Variants in ZNF189 observed in about 807,000 individuals in gnomAD.
ZNF189 encodes zinc finger protein 189.
ZNF189 carries 33 observed loss-of-function variants against 53.5 expected under a neutral mutation model. The ratio of observed to expected loss-of-function variants is 0.62; its 90% CI spans 0.47 to 0.82. The LOEUF is 0.82. Among genes scored for constraint, ZNF189 ranks in the 40% least tolerant of loss-of-function variants. The pLI, the probability that ZNF189 is intolerant of heterozygous loss-of-function variation, is 0.00. For missense variants in ZNF189, 711 were observed against 753.9 expected, an observed-to-expected ratio of 0.94 and a Z score of 0.67; for synonymous variants, 247 against 238.8, an observed-to-expected ratio of 1.03 and a Z score of -0.32.
chr9:101,399,508 T>A, intron 1 of ZNF189: 2 of 1,285,358 alleles, frequency 1.6e-6, no homozygotes, highest in Non-Finnish European at 2.0e-6. Context: ...CTTCTGTTCC[T>A]GGCACAGTGC....
chr9:101,409,411 C>G lies in ZNF189; in HGVS notation c.1643C>G (p.Ala548Gly), dbSNP rs1830852588. 2 of 1,614,120 alleles carry G rather than the reference C, an allele frequency of 1.2e-6. No homozygotes were observed. Among genetic ancestry groups the G allele is most frequent in the Non-Finnish European group, 1.7e-6 (2 of 1,180,014 alleles). ...CATAAATGTGATGAATGTGGAAAGG[C>G]CTTTAGCCGGAACTCGGGTCTTATT... ...KPHKCDECGK[A>G]FSRNSGLIQH... Residue 548 changes from alanine (A) to glycine (G), a missense_variant, in exon 3 of 3, where the codon GCC becomes GGC. Transcript: ENST00000339664.
At chr9:101,401,016 T>C (rs1830511955) in intron 2 of ZNF189, among the ~76,000 whole-genome samples, 1 of 152,226 alleles carries the variant, frequency 6.6e-6, no homozygotes, top group Non-Finnish European at 1.5e-5. Flanking sequence ...TATCCCCATC[T>C]AATCACCAGC....
chr9:101,409,443 C>A lies in ZNF189; in HGVS notation c.1675C>A (p.Gln559Lys). 1 of 1,614,162 alleles carries A rather than the reference C, an allele frequency of 6.2e-7. No individual in the cohort carries two copies. ...FSRNSGLIQH[Q>K]RIHTGEKPYK... Reference sequence around the variant, plus strand: ...CCGGAACTCGGGTCTTATTCAGCATCAGAGAATACACACAGGAGAGAAACC... The same window carrying A: ...CCGGAACTCGGGTCTTATTCAGCATAAGAGAATACACACAGGAGAGAAACC... Residue 559 changes from glutamine (Q) to lysine (K), a missense_variant, in exon 3 of 3, where the codon CAG (glutamine) becomes AAG (lysine). By Grantham distance (53) the Gln-to-Lys change is moderately conservative. Transcript: ENST00000339664.
At chr9:101,399,399 A>C in intron 1 of ZNF189, 1 of 1,372,326 alleles carries the variant, frequency 7.3e-7, no homozygotes, top group Non-Finnish European at 9.4e-7. Context: ...TTCTAGAGAG[A>C]CTTGATAAAT....
At chr9:101,407,777 A>T in intron 2 of ZNF189, 152 bp from the exon 3 acceptor site, 1 of 708,878 alleles carries the variant, frequency 1.4e-6, no homozygotes, top group Non-Finnish European at 2.2e-6. Context: ...TCTTGAACTT[A>T]GTGGAGTTTT....
rs778716494 is a variant in ZNF189, at chr9:101,409,682, G to C, written c.*33G>C. On this transcript the variant is annotated 3_prime_UTR_variant, in exon 3 of 3. Coordinates refer to ENST00000339664, the MANE Select transcript of ZNF189 (RefSeq NM_003452.4). ...GCAATACATAAGCTCAATTTGATTT[G>C]AGACTAGTACCCAAGTGCAGTTTTA... 2.6e-6 allele frequency: 4 copies of C among 1,556,272 alleles called. No individual in the cohort carries two copies. Among genetic ancestry groups the C allele is most frequent in the Non-Finnish European group, 3.5e-6 (4 of 1,155,994 alleles).
chr9:101,399,868 AATC>A lies in ZNF189; in HGVS notation c.34-13_34-11del. ...TGAGACAACAGGAACTGACTACAGA[AATC>A]ATACTATTTCAGGGGTTGCTGACAT... is the stretch of plus-strand genomic sequence containing the variant. On this transcript the variant is annotated splice_polypyrimidine_tract_variant and intron_variant, in intron 1 of 2. Coordinates refer to ENST00000339664, the MANE Select transcript of ZNF189 (RefSeq NM_003452.4). 1 of 1,613,998 alleles carries A rather than the reference AATC, an allele frequency of 6.2e-7. No homozygotes were observed. The highest frequency in any genetic ancestry group is 8.5e-7 in the Non-Finnish European group (1 of 1,179,942).
At position 101,408,362 on chromosome 9, in the gene ZNF189, C is replaced by T. The variant is rs867484794; in HGVS notation, c.594C>T (p.His198=). 6 of 1,614,026 alleles carry T rather than the reference C, an allele frequency of 3.7e-6. No individual in the cohort carries two copies. Among genetic ancestry groups the T allele is most frequent in the Non-Finnish European group, 5.1e-6 (6 of 1,180,018 alleles). The change falls in exon 3 of 3, where the codon CAC becomes CAT. Residue 198 remains histidine, a synonymous_variant. Coordinates refer to ENST00000339664, the MANE Select transcript of ZNF189 (RefSeq NM_003452.4). Reference sequence around the variant, plus strand: ...TTGTTATTGAACATCAGAGAATTCACACTGGGGAAAGGCCCTATGAGTGTA... The same window carrying T: ...TTGTTATTGAACATCAGAGAATTCATACTGGGGAAAGGCCCTATGAGTGTA... The part of the protein sequence containing the change: ...SSFVIEHQRI[H]TGERPYECNY...
chr9:101,408,896 G>A lies in ZNF189; in HGVS notation c.1128G>A (p.Glu376=). ...GTGAAAGACCTTATCAGTGCAAAGA[G>A]TGTGGGAAAAGTTTCAGTCAGCTTT... is the stretch of plus-strand genomic sequence containing the variant. The part of the protein sequence containing the change: ...HTGERPYQCK[E]CGKSFSQLCN... Residue 376 remains glutamate, a synonymous_variant, in exon 3 of 3, where the codon GAG becomes GAA. Coordinates refer to ENST00000339664, the MANE Select transcript of ZNF189 (RefSeq NM_003452.4). 6.2e-7 allele frequency: 1 copy of A among 1,614,070 alleles called. No homozygotes were observed. The highest frequency in any genetic ancestry group is 8.5e-7 in the Non-Finnish European group (1 of 1,180,016).
chr9:101,406,077 G>A (rs1297527199), intron 2 of ZNF189, among the ~76,000 whole-genome samples: 1 of 150,194 alleles, frequency 6.7e-6, no homozygotes, highest in Non-Finnish European at 1.5e-5. Context: ...AAAAATGCCC[G>A]TTTTATTTTT....
Position 101,399,199 on chromosome 9 carries a change from C to T in ZNF189, c.33+10C>T. On this transcript the variant is annotated intron_variant, in intron 1 of 2. Transcript: ENST00000339664. ...CCCGCCGGAGTCGAAGGTAAGTAAG[C>T]ACCCCCCCGGGGATCCCGGTTGTCT... The T allele has an allele frequency of 1.3e-6, 2 of 1,585,042 alleles. No individual in the cohort carries two copies. Among genetic ancestry groups the T allele is most frequent in the Non-Finnish European group, 1.7e-6 (2 of 1,157,068 alleles).
intron 2 of ZNF189, 125 bp downstream of exon 2, chr9:101,400,135 T>C (rs1830480159): frequency 2.3e-6 from 3 of 1,293,754 alleles, no homozygotes; most frequent in Admixed American, 4.7e-5. Flanking sequence ...TCAAACCTTT[T>C]AGCCATTAAT....
intron 1 of ZNF189, 184 bp downstream of exon 1, chr9:101,399,373 C>CCT: frequency 9.4e-7 from 1 of 1,061,166 alleles, no homozygotes; most frequent in Non-Finnish European, 1.2e-6. Context: ...CACTGGCTCC[C>CCT]TTTTTTTTTT....
At chr9:101,400,461 A>C (rs1361547821) in intron 2 of ZNF189, among the ~76,000 whole-genome samples, 6 of 152,112 alleles carry the variant, frequency 3.9e-5, no homozygotes, top group African/African-American at 7.2e-5. Flanking sequence ...TCAATGTTGG[A>C]AGGGGGAAGT....
intron 2 of ZNF189, among the ~76,000 whole-genome samples, chr9:101,405,363 G>A (rs1257780601): frequency 2.6e-5 from 4 of 152,132 alleles, no homozygotes; most frequent in Admixed American, 1.3e-4. Context: ...GTGCTAGAGA[G>A]AAATCCAGGA....
Position 101,409,600 on chromosome 9 carries a change from G to T in ZNF189, c.1832G>T (p.Arg611Leu), listed in dbSNP as rs151018933. 3.1e-6 allele frequency: 5 copies of T among 1,612,622 alleles called. No individual in the cohort carries two copies. Among genetic ancestry groups the T allele is most frequent in the East Asian group, 2.2e-5 (1 of 44,886 alleles). The change falls in exon 3 of 3, where the codon CGT (arginine) becomes CTT (leucine). Residue 611 changes from arginine (R) to leucine (L), a missense_variant. Transcript: ENST00000339664. ...CDACGEAFNC[R>L]ISLIQHQKLH... ...GCTTGTGGTGAAGCCTTTAATTGCC[G>T]TATTTCTCTTATTCAGCATCAGAAA...
Position 101,409,314 on chromosome 9 carries a change from CAG to C in ZNF189, c.1547_1548del (p.Gln516LeufsTer6). 1 of 1,614,098 alleles carries C rather than the reference CAG, an allele frequency of 6.2e-7. No individual in the cohort carries two copies. The highest frequency in any genetic ancestry group is 8.5e-7 in the Non-Finnish European group (1 of 1,180,008). Reference sequence around the variant, plus strand: ...TGGTGAGAGACCCTATCTGTGCAGACAGTGTGGAAAAAGCTTTAGTCAGCTTT... The same window carrying C: ...TGGTGAGAGACCCTATCTGTGCAGACTGTGGAAAAAGCTTTAGTCAGCTTT... ...HTGERPYLCR[Q>X]CGKSFSQLCN... On this transcript the variant is annotated frameshift_variant, in exon 3 of 3. Transcript: ENST00000339664. LOFTEE classifies it high-confidence loss of function.
In ZNF189 at chr9:101,399,137, C is replaced by T; in HGVS notation, c.-20C>T. On this transcript the variant is annotated 5_prime_UTR_variant, in exon 1 of 3. Coordinates refer to ENST00000339664, the MANE Select transcript of ZNF189 (RefSeq NM_003452.4). ...CCGTGAGGCCGCCCCCAATTCCTGC[C>T]CCTATTCTCTGCCTGGGAGATGGCT... 1.3e-6 allele frequency: 2 copies of T among 1,580,838 alleles called. No homozygotes were observed. The highest frequency in any genetic ancestry group is 1.7e-6 in the Non-Finnish European group (2 of 1,150,368).
At chr9:101,402,144 G>C (rs188568655) in intron 2 of ZNF189, among the ~76,000 whole-genome samples, 3 of 152,238 alleles carry the variant, frequency 2.0e-5, no homozygotes, top group African/African-American at 7.2e-5. Context: ...TCGAACTCCC[G>C]ATCTCAGGTG....
Sources: gnomAD v4.1 joint callset for allele counts (sites outside exome capture counted in the v4.1 genomes callset) on GRCh38, gnomAD v4.1.1 for gene constraint, MANE v1.5 for transcripts, NCBI Gene and HGNC (gene_info 2026-07-23, HGNC 2026-07-21) for gene names.